Variants in SNAP91 observed in about 807,000 individuals in gnomAD.
The protein encoded by SNAP91 is synaptosome associated protein 91, also known as clathrin coat assembly protein AP180.
SNAP91 carries 27 observed loss-of-function variants against 100.3 expected under a neutral mutation model. That is an observed-to-expected ratio of 0.27 (90% CI 0.20 to 0.37). The LOEUF (loss-of-function observed/expected upper bound fraction) is 0.37, where lower values mean the gene tolerates loss of function less well. SNAP91 is among the 10% of genes least tolerant of loss of function. SNAP91 has a pLI of 1.00. For missense variants in SNAP91, 986 were observed against 1,123.7 expected, an observed-to-expected ratio of 0.88 and a Z score of 1.75; for synonymous variants, 404 against 398.6, an observed-to-expected ratio of 1.01 and a Z score of -0.16.
intron 9 of SNAP91, among the ~76,000 whole-genome samples, chr6:83,621,676 A>G (rs2096734916): frequency 6.6e-6 from 1 of 152,168 alleles, no homozygotes; most frequent in South Asian, 2.1e-4. Flanking sequence ...TAATGTTAAA[A>G]GCAAAAACAG....
chr6:83,559,661 A>G (rs565123720), intron 28 of SNAP91, among the ~76,000 whole-genome samples: 1 of 150,872 alleles, frequency 6.6e-6, no homozygotes, highest in African/African-American at 2.4e-5. Context: ...AGGAGATTCT[A>G]AAAGGGAGTA....
At chr6:83,561,546 T>C (rs1787718155) in intron 26 of SNAP91, among the ~76,000 whole-genome samples, 1 of 152,212 alleles carries the variant, frequency 6.6e-6, no homozygotes, top group African/African-American at 2.4e-5. Context: ...GGCTTGCAGA[T>C]TGCTCATAAC....
At position 83,671,182 on chromosome 6, in the gene SNAP91, C is replaced by T. The variant is rs189091609; in HGVS notation, c.131-5601G>A. On this transcript the variant is annotated intron_variant, in intron 2 of 29. Transcript: ENST00000369694. Reference sequence around the variant, plus strand: ...ATTTATTTTGGTCTTTAATTTCTCTCAGCAATGTTTTGTTCTTTTCAGTAC... The same window carrying T: ...ATTTATTTTGGTCTTTAATTTCTCTTAGCAATGTTTTGTTCTTTTCAGTAC... Among the ~76,000 whole-genome samples the T allele has an allele frequency of 3.9e-5, 6 of 152,100 alleles. No individual in the cohort carries two copies. The East Asian group carries it at 9.7e-4, about 24-fold the overall frequency.
At chr6:83,633,839 C>G (rs73486915) in intron 8 of SNAP91, among the ~76,000 whole-genome samples, 1 of 152,016 alleles carries the variant, frequency 6.6e-6, no homozygotes, top group Non-Finnish European at 1.5e-5. Context: ...TTTTCTTCTT[C>G]CCCTGCCTGT....
intron 2 of SNAP91, among the ~76,000 whole-genome samples, chr6:83,692,832 A>C (rs1472717620): frequency 2.0e-5 from 3 of 152,128 alleles, no homozygotes; most frequent in Non-Finnish European, 4.4e-5. Context: ...TTTTTTCCCT[A>C]CTAGCTAGAG....
chr6:83,560,451 G>A (rs1165230557), intron 27 of SNAP91, among the ~76,000 whole-genome samples: 1 of 152,154 alleles, frequency 6.6e-6, no homozygotes, highest in Non-Finnish European at 1.5e-5. Flanking sequence ...ACCAAGCTTT[G>A]TTGTTGTTTA....
intron 9 of SNAP91, among the ~76,000 whole-genome samples, chr6:83,617,290 A>G (rs1354121317): frequency 6.6e-6 from 1 of 152,082 alleles, no homozygotes; most frequent in African/African-American, 2.4e-5. Flanking sequence ...TAGAGATTAC[A>G]TTGGATAGAC....
rs1301434293 is a variant in SNAP91 at position 83,575,150 on chromosome 6, C to A, written c.2331-29G>T. Reference sequence around the variant, plus strand: ...AAATTAACCATGCAAAACAAGCAAACAAACAAAAAATCACAAATCAGAAAA... The same window carrying A: ...AAATTAACCATGCAAAACAAGCAAAAAAACAAAAAATCACAAATCAGAAAA... On this transcript the variant is annotated intron_variant, in intron 25 of 29. Transcript: ENST00000369694. The A allele has an allele frequency of 4.8e-6, 7 of 1,473,206 alleles. No individual in the cohort carries two copies. In the Admixed American group the frequency reaches 5.6e-5, roughly 12 times the overall value. The allele number at this position is 1,473,206 out of a possible 1,614,324, so 91.3% of individuals were successfully genotyped here. A position where few individuals can be genotyped will look rare whatever the true frequency, so the allele number is the denominator to read the frequency against.
At chr6:83,630,619 TTA>T (rs1230825538) in intron 8 of SNAP91, among the ~76,000 whole-genome samples, 2 of 152,138 alleles carry the variant, frequency 1.3e-5, no homozygotes, top group East Asian at 3.8e-4. Context: ...GTTTTCTAGT[TTA>T]TGTGTGTAAA....
intron 2 of SNAP91, among the ~76,000 whole-genome samples, chr6:83,706,751 G>A (rs932552800): frequency 2.0e-4 from 30 of 152,206 alleles, no homozygotes; most frequent in Non-Finnish European, 4.0e-4. Flanking sequence ...AAATGGCTGT[G>A]GCCATACCTG....
At chr6:83,705,057 T>C (rs1004248316) in intron 2 of SNAP91, among the ~76,000 whole-genome samples, 4 of 152,230 alleles carry the variant, frequency 2.6e-5, no homozygotes, top group Non-Finnish European at 2.9e-5. Flanking sequence ...CTCTTAATAA[T>C]GCATATAACA....
chr6:83,604,793 T>C (rs1453378742), intron 14 of SNAP91, among the ~76,000 whole-genome samples: 1 of 152,190 alleles, frequency 6.6e-6, no homozygotes, highest in Non-Finnish European at 1.5e-5. Flanking sequence ...CCTAGCCATC[T>C]TATTCTAACA....
chr6:83,585,994 C>T (rs961693997), intron 22 of SNAP91, among the ~76,000 whole-genome samples: 1 of 151,760 alleles, frequency 6.6e-6, no homozygotes, highest in African/African-American at 2.4e-5. Flanking sequence ...GGGATTACAG[C>T]GTGTGTCACT....
At chr6:83,583,254 A>G (rs1457510377) in intron 22 of SNAP91, among the ~76,000 whole-genome samples, 1 of 151,610 alleles carries the variant, frequency 6.6e-6, no homozygotes, top group Non-Finnish European at 1.5e-5. Flanking sequence ...GCCCCCTGCT[A>G]CTCTCATTAC....
At chr6:83,694,056 G>A (rs1309843939) in intron 2 of SNAP91, among the ~76,000 whole-genome samples, 1 of 152,218 alleles carries the variant, frequency 6.6e-6, no homozygotes, top group Non-Finnish European at 1.5e-5. Flanking sequence ...TATGCAGTGA[G>A]TCCACTGACA....
rs776895852 is a variant in SNAP91 at position 83,556,202 on chromosome 6, G to A, written c.2675C>T (p.Pro892Leu). ...PTPASQSPKK[P>L]PAKDPLADLN... Reference sequence around the variant, plus strand: ...ATCCGCTAATGGGTCCTTTGCTGGAGGTTTCTTGGGACTCTGACTGGCAGG... The same window carrying A: ...ATCCGCTAATGGGTCCTTTGCTGGAAGTTTCTTGGGACTCTGACTGGCAGG... Residue 892 changes from proline (P) to leucine (L), a missense_variant, in exon 29 of 30, where the codon CCT becomes CTT. Pro to Leu is a moderately conservative substitution (Grantham distance 98, BLOSUM62 -3). Around this residue, in one of 4 missense-constraint regions of SNAP91, gnomAD observed 71 missense variants for 68.5 expected, o/e 1.04. Transcript: ENST00000369694. The A allele has an allele frequency of 3.2e-6, 5 of 1,577,046 alleles. No homozygotes were observed. The highest frequency in any genetic ancestry group is 1.7e-6 in the Non-Finnish European group (2 of 1,161,202).
At chr6:83,669,537 T>C (rs2098746473) in intron 2 of SNAP91, among the ~76,000 whole-genome samples, 1 of 151,862 alleles carries the variant, frequency 6.6e-6, no homozygotes, top group African/African-American at 2.4e-5. Flanking sequence ...AGTGTACTAT[T>C]TGATAAGTTT....
chr6:83,691,007 A>G lies in SNAP91; in HGVS notation c.130+16791T>C, dbSNP rs188611873. Among the ~76,000 whole-genome samples the G allele has an allele frequency of 1.6e-4, 24 of 152,162 alleles. No individual in the cohort carries two copies. In the East Asian group the frequency reaches 4.6e-3, roughly 29 times the overall value. On this transcript the variant is annotated intron_variant, in intron 2 of 29. Transcript: ENST00000369694. Reference sequence around the variant, plus strand: ...AGTTTAACTCAAAAATGGTACCTCTAAGTCAAGGTAGACATTTGCCCTTTT... The same window carrying G: ...AGTTTAACTCAAAAATGGTACCTCTGAGTCAAGGTAGACATTTGCCCTTTT...
chr6:83,708,825 G>A lies in SNAP91; in HGVS notation c.-31+20C>T, dbSNP rs2099416116. 6.6e-6 allele frequency: 1 copy of A among 152,074 alleles called. No homozygotes were observed. The highest frequency in any genetic ancestry group is 2.4e-5 in the African/African-American group (1 of 41,440). 9.4% of individuals were successfully genotyped at this position (152,074 alleles called of 1,614,324 possible). ...GACCCTGGCGCGGGGAGGGGGCCGA[G>A]TACGGCCGCGGGTACTCACCCCGCC... On this transcript the variant is annotated intron_variant, in intron 1 of 29. Transcript: ENST00000369694.
Sources: gnomAD v4.1 joint callset for allele counts (sites outside exome capture counted in the v4.1 genomes callset) on GRCh38, gnomAD v4.1.1 for gene constraint, gnomAD v4.1.1 regional missense constraint, MANE v1.5 for transcripts, NCBI Gene and HGNC (gene_info 2026-07-23, HGNC 2026-07-21) for gene names.